The following ASXL3 variants were observed in gnomAD, a reference collection of about 807,000 sequenced individuals.
The protein encoded by ASXL3 is ASXL transcriptional regulator 3, also known as putative Polycomb group protein ASXL3.
Under a neutral mutation model 170.6 loss-of-function variants are expected in ASXL3, and 34 were observed. That is an observed-to-expected ratio of 0.20 (90% CI 0.15 to 0.27). The LOEUF is 0.27. ASXL3 is among the 10% of genes least tolerant of loss of function. The probability of loss-of-function intolerance (pLI) is 1.00; values close to 1 mark genes in which losing one functional copy is unlikely to be tolerated. For missense variants in ASXL3, 2,592 were observed against 2,695.3 expected, an observed-to-expected ratio of 0.96 and a Z score of 0.85; for synonymous variants, 1,002 against 989.1, an observed-to-expected ratio of 1.01 and a Z score of -0.24.
chr18:33,590,580 C>T (rs908140853), intron 1 of ASXL3, among the ~76,000 whole-genome samples: 1 of 152,174 alleles, frequency 6.6e-6, no homozygotes, highest in Non-Finnish European at 1.5e-5. Flanking sequence ...GTCTGCCTGA[C>T]TTTAGACCTT....
intron 2 of ASXL3, among the ~76,000 whole-genome samples, chr18:33,619,769 A>G (rs950740781): frequency 2.0e-5 from 3 of 152,158 alleles, no homozygotes; most frequent in African/African-American, 7.2e-5. Flanking sequence ...CAAAATGTAG[A>G]TAATCCAAAA....
intron 1 of ASXL3, among the ~76,000 whole-genome samples, chr18:33,582,985 G>A (rs377138179): frequency 2.7e-4 from 41 of 152,082 alleles, no homozygotes; most frequent in African/African-American, 9.4e-4. Flanking sequence ...TAAACTGTTA[G>A]GATTTATTTA....
At position 33,746,876 on chromosome 18, in the gene ASXL3, GTTTTTC is replaced by G; in HGVS notation, c.*286_*291del. 2.9e-6 allele frequency: 1 copy of G among 345,002 alleles called. No individual in the cohort carries two copies. Among genetic ancestry groups the G allele is most frequent in the East Asian group, 4.8e-5 (1 of 20,940 alleles). The allele number at this position is 345,002 out of a possible 1,614,324, so 21.4% of individuals were successfully genotyped here. ...GTATACAAGTCAATGCCCCATTTTT[GTTTTTC>G]TTTTAACCGAGGTGTAGATAGGAAA... On this transcript the variant is annotated 3_prime_UTR_variant, in exon 12 of 12. Transcript: ENST00000269197.
intron 8 of ASXL3, among the ~76,000 whole-genome samples, chr18:33,690,617 G>A (rs543991236): frequency 4.5e-4 from 69 of 152,230 alleles, no homozygotes; most frequent in Non-Finnish European, 4.1e-4. Flanking sequence ...TAACCCCAAT[G>A]CTAATCTAAT....
intron 2 of ASXL3, among the ~76,000 whole-genome samples, chr18:33,630,320 C>T (rs994396152): frequency 5.3e-5 from 8 of 151,724 alleles, no homozygotes; most frequent in African/African-American, 1.9e-4. Context: ...ATATATTTCA[C>T]ACCATCCTAA....
intron 10 of ASXL3, among the ~76,000 whole-genome samples, chr18:33,735,078 T>C (rs1182002004): frequency 6.6e-6 from 1 of 152,004 alleles, no homozygotes; most frequent in Non-Finnish European, 1.5e-5. Flanking sequence ...AAAGGAGGGG[T>C]TTAAGAACTT....
intron 1 of ASXL3, among the ~76,000 whole-genome samples, chr18:33,587,352 A>G (rs1027634518): frequency 6.6e-6 from 1 of 152,152 alleles, no homozygotes; most frequent in Admixed American, 6.5e-5. Flanking sequence ...TATTTTTGAC[A>G]TTAGTTAATT....
intron 6 of ASXL3, among the ~76,000 whole-genome samples, chr18:33,671,244 C>G (rs768557679): frequency 6.6e-6 from 1 of 152,184 alleles, no homozygotes; most frequent in Non-Finnish European, 1.5e-5. Context: ...CACCCCAGTG[C>G]AGCCCTGACC....
Position 33,740,322 on chromosome 18 carries a change from G to A in ASXL3, c.2918G>A (p.Gly973Glu), listed in dbSNP as rs2067640530. 2 of 1,611,242 alleles carry A rather than the reference G, an allele frequency of 1.2e-6. No individual in the cohort carries two copies. ...KRKTAEQHSF[G>E]ICKEKRARIE... ...AAAACTGCAGAGCAACACAGCTTTG[G>A]AATCTGTAAGGAAAAGAGAGCTAGG... Residue 973 changes from glycine to glutamate, a missense_variant, in exon 11 of 12, where the codon GGA becomes GAA. Gly to Glu is a moderately conservative substitution (Grantham distance 98). Around this residue, in one of 4 missense-constraint regions of ASXL3, gnomAD observed 2,246 missense variants for 2,219.6 expected, o/e 1.01. Transcript: ENST00000269197.
intron 2 of ASXL3, among the ~76,000 whole-genome samples, chr18:33,622,215 CAG>C (rs1437431078): frequency 6.6e-6 from 1 of 152,056 alleles, no homozygotes; most frequent in African/African-American, 2.4e-5. Flanking sequence ...CAATATAATT[CAG>C]AGCTATCAAA....
At position 33,578,515 on chromosome 18, in the gene ASXL3, C is replaced by T. The variant is rs1276026454; in HGVS notation, c.-117C>T. On this transcript the variant is annotated 5_prime_UTR_variant, in exon 1 of 12. Coordinates refer to ENST00000269197, the MANE Select transcript of ASXL3 (RefSeq NM_030632.3). ...CGCCGCCGCCACCGCCCGCGCGCCT[C>T]CCCCCGCGGAGCGAGTGCGGGTCAC... 2 of 492,196 alleles carry T rather than the reference C, an allele frequency of 4.1e-6. No homozygotes were observed. Among genetic ancestry groups the T allele is most frequent in the Non-Finnish European group, 5.6e-6 (2 of 358,226 alleles). 30.5% of individuals were successfully genotyped at this position (492,196 alleles called of 1,614,324 possible). A position where few individuals can be genotyped will look rare whatever the true frequency, so the allele number is the denominator to read the frequency against.
intron 8 of ASXL3, among the ~76,000 whole-genome samples, chr18:33,694,002 G>A (rs1386010127): frequency 7.9e-5 from 12 of 152,154 alleles, no homozygotes; most frequent in African/African-American, 2.9e-4. Context: ...GGGTCCTAGA[G>A]TAACACACTT....
chr18:33,706,179 T>C (rs1183165426), intron 8 of ASXL3, among the ~76,000 whole-genome samples: 2 of 151,712 alleles, frequency 1.3e-5, no homozygotes, highest in Non-Finnish European at 1.5e-5. Context: ...TATTCTAAAA[T>C]TTCTGTGAAA....
chr18:33,699,482 TTGAG>T (rs2066832878), intron 8 of ASXL3, among the ~76,000 whole-genome samples: 1 of 152,130 alleles, frequency 6.6e-6, no homozygotes. Context: ...ATAGAGATTA[TTGAG>T]TATTACTCAT....
At position 33,674,236 on chromosome 18, in the gene ASXL3, A is replaced by G. The variant is rs1345710708; in HGVS notation, c.715+2370A>G. On this transcript the variant is annotated intron_variant, in intron 7 of 11. Coordinates refer to ENST00000269197, the MANE Select transcript of ASXL3 (RefSeq NM_030632.3). ...CATCTAACCTATATTTTAGACCTGT[A>G]GGTGCCACTGAGGGAAATACAAGAA... is the stretch of plus-strand genomic sequence containing the variant. Among the ~76,000 whole-genome samples, 4 of 152,178 alleles carry G rather than the reference A, an allele frequency of 2.6e-5. 1 individual carries two copies. The highest frequency in any genetic ancestry group is 5.9e-5 in the Non-Finnish European group (4 of 68,016).
chr18:33,624,561 C>T (rs1164313293), intron 2 of ASXL3, among the ~76,000 whole-genome samples: 1 of 152,056 alleles, frequency 6.6e-6, no homozygotes, highest in Non-Finnish European at 1.5e-5. Context: ...TCCCACCGTC[C>T]ATACTCATAA....
At chr18:33,603,173 C>A (rs915432653) in intron 1 of ASXL3, among the ~76,000 whole-genome samples, 4 of 151,984 alleles carry the variant, frequency 2.6e-5, no homozygotes, top group African/African-American at 9.7e-5. Context: ...AAAATTTTAA[C>A]CTTTAAATGA....
intron 1 of ASXL3, among the ~76,000 whole-genome samples, chr18:33,589,349 A>G (rs1435605952): frequency 6.6e-6 from 1 of 152,202 alleles, no homozygotes; most frequent in East Asian, 1.9e-4. Context: ...AGTTCCTGCA[A>G]CAACTTTGTA....
rs141750785 is a variant in ASXL3, at chr18:33,660,994, T to C, written c.356-622T>C. ...AGAATAGACAACATGCAAGCCTGAC[T>C]CTGATAAAAATGAGCAGTTGTACTG... On this transcript the variant is annotated intron_variant, in intron 4 of 11. Coordinates refer to ENST00000269197, the MANE Select transcript of ASXL3 (RefSeq NM_030632.3). Among the ~76,000 whole-genome samples the C allele has an allele frequency of 5.5e-3, 843 of 152,306 alleles. 7 individuals carry two copies. Among genetic ancestry groups the C allele is most frequent in the Middle Eastern group, 0.024 (7 of 294 alleles).
Sources: gnomAD v4.1 joint callset for allele counts (sites outside exome capture counted in the v4.1 genomes callset) on GRCh38, gnomAD v4.1.1 for gene constraint, gnomAD v4.1.1 regional missense constraint, MANE v1.5 for transcripts, NCBI Gene and HGNC (gene_info 2026-07-23, HGNC 2026-07-21) for gene names.